The following TSPAN11 variants were observed in gnomAD, a reference collection of about 807,000 sequenced individuals.
TSPAN11 encodes tetraspanin 11.
TSPAN11 carries 29 observed loss-of-function variants against 32.9 expected under a neutral mutation model. The ratio of observed to expected loss-of-function variants is 0.88; its 90% CI spans 0.66 to 1.20. The LOEUF is 1.20. Among genes scored for constraint, TSPAN11 ranks in the 50% most tolerant of loss-of-function variants. TSPAN11 has a pLI of 0.00. For synonymous variants in TSPAN11, 140 were observed against 141.3 expected (o/e 0.99, Z 0.07); for missense variants, 283 against 329.1 (o/e 0.86, Z 1.08).
the TSPAN11 span, among the ~76,000 whole-genome samples, chr12:31,009,245 C>T: frequency 2.0e-5 from 3 of 152,190 alleles, no homozygotes; most frequent in Non-Finnish European, 4.4e-5. Context: ...GTTCTCAATC[C>T]AATCCAGGGC....
At chr12:31,002,109 T>C in the TSPAN11 span, among the ~76,000 whole-genome samples, 1 of 152,110 alleles carries the variant, frequency 6.6e-6, no homozygotes, top group Non-Finnish European at 1.5e-5. This position sits in a 1 kb window ranked among gnomAD's most constrained non-coding sequence, Gnocchi z 4.8. Flanking sequence ...TCTGTCTCGG[T>C]AAATCTCCTG....
intron 1 of TSPAN11, 53 bp downstream of exon 1, chr12:30,926,849 G>T (rs1187424048): frequency 1.0e-6 from 1 of 989,186 alleles, no homozygotes; most frequent in East Asian, 7.9e-5. Flanking sequence ...GGGGGCTGGG[G>T]GTCCAGGAGA....
chr12:30,960,803 C>T (rs1938597171), intron 2 of TSPAN11, among the ~76,000 whole-genome samples: 1 of 151,848 alleles, frequency 6.6e-6, no homozygotes, highest in Non-Finnish European at 1.5e-5. Flanking sequence ...CTTTGGGAGG[C>T]CGAGGCAGGT....
chr12:30,979,442 G>A (rs1939042085), intron 4 of TSPAN11, 124 bp from the exon 5 acceptor site: 6 of 848,656 alleles, frequency 7.1e-6, no homozygotes, highest in Non-Finnish European at 1.2e-5. Flanking sequence ...AGAAACCTCC[G>A]CATCACACCA....
chr12:30,962,581 A>G (rs1938635006), intron 2 of TSPAN11, among the ~76,000 whole-genome samples: 1 of 152,208 alleles, frequency 6.6e-6, no homozygotes, highest in Admixed American at 6.5e-5. Context: ...TGCCCAGAAC[A>G]GAGAACTGGG....
intron 3 of TSPAN11, among the ~76,000 whole-genome samples, chr12:30,973,044 A>G (rs914741155): frequency 1.3e-5 from 2 of 152,102 alleles, no homozygotes; most frequent in African/African-American, 4.8e-5. Flanking sequence ...TACCTGCCCT[A>G]AAATGCTGAA....
the TSPAN11 span, among the ~76,000 whole-genome samples, chr12:31,011,948 G>A: frequency 6.6e-6 from 1 of 152,228 alleles, no homozygotes; most frequent in African/African-American, 2.4e-5. Flanking sequence ...CAGCTGCTGG[G>A]GAGATTCAAG....
chr12:30,964,704 A>G (rs988134781), intron 3 of TSPAN11, among the ~76,000 whole-genome samples: 3 of 152,218 alleles, frequency 2.0e-5, no homozygotes, highest in Admixed American at 6.5e-5. Context: ...CTTCTAGAAA[A>G]CATGATAACA....
At chr12:31,004,255 C>T in the TSPAN11 span, among the ~76,000 whole-genome samples, 1 of 152,178 alleles carries the variant, frequency 6.6e-6, no homozygotes, top group Non-Finnish European at 1.5e-5. Flanking sequence ...CCATTGAATA[C>T]CTGACCCTGC....
chr12:30,990,882 C>T (rs1007399213), intron 7 of TSPAN11, among the ~76,000 whole-genome samples: 40 of 152,218 alleles, frequency 2.6e-4, no homozygotes, highest in African/African-American at 9.6e-4. Flanking sequence ...CCAGTGCCCC[C>T]TCCTGTGTGC....
chr12:30,964,528 C>T (rs142849070), intron 3 of TSPAN11, among the ~76,000 whole-genome samples: 2 of 152,112 alleles, frequency 1.3e-5, no homozygotes, highest in Non-Finnish European at 2.9e-5. Context: ...CTCCATCTTC[C>T]CTTCACCCAG....
the TSPAN11 span, among the ~76,000 whole-genome samples, chr12:31,004,733 G>A: frequency 0.013 from 1,918 of 152,342 alleles, 27 homozygotes; most frequent in Middle Eastern, 0.027. Flanking sequence ...GCATGTGGTG[G>A]AAGGGGCGGC....
chr12:31,001,910 G>C, the TSPAN11 span, among the ~76,000 whole-genome samples: 1 of 152,154 alleles, frequency 6.6e-6, no homozygotes, highest in East Asian at 1.9e-4. Flanking sequence ...TAAGAGAGAG[G>C]CCGATGTTTT....
intron 3 of TSPAN11, among the ~76,000 whole-genome samples, chr12:30,970,231 G>T (rs574409409): frequency 1.3e-5 from 2 of 152,320 alleles, no homozygotes; most frequent in East Asian, 1.9e-4. Flanking sequence ...CCTGTTGGGG[G>T]TCTGGCCCTC....
intron 1 of TSPAN11, among the ~76,000 whole-genome samples, chr12:30,949,604 C>A (rs759328852): frequency 2.0e-5 from 3 of 152,124 alleles, no homozygotes; most frequent in Non-Finnish European, 4.4e-5. Context: ...CCCCCTGGGT[C>A]CCTCCCACAG....
At chr12:30,974,765 G>T (rs919647530) in intron 3 of TSPAN11, among the ~76,000 whole-genome samples, 5 of 152,248 alleles carry the variant, frequency 3.3e-5, no homozygotes, top group African/African-American at 1.2e-4. Context: ...GGAGCAATGG[G>T]TAAAGTTGTG....
At chr12:31,014,376 A>C in the TSPAN11 span, among the ~76,000 whole-genome samples, 4 of 152,216 alleles carry the variant, frequency 2.6e-5, no homozygotes, top group African/African-American at 9.7e-5. Flanking sequence ...ACACCTTCTC[A>C]ATAACTCTTC....
Position 30,991,956 on chromosome 12 carries a change from A to T in TSPAN11, c.*41A>T. 3 of 1,608,364 alleles carry T rather than the reference A, an allele frequency of 1.9e-6. No individual in the cohort carries two copies. The highest frequency in any genetic ancestry group is 1.7e-6 in the Non-Finnish European group (2 of 1,174,884). On this transcript the variant is annotated 3_prime_UTR_variant, in exon 8 of 8. Coordinates refer to ENST00000546076, the MANE Select transcript of TSPAN11 (RefSeq NM_001370302.1). ...TCTTCCAACTGCCCCTCAAGACAAC[A>T]TGTGGCCACATGCCATCTGCAAGGC...
At chr12:30,964,047 TGGG>T in intron 3 of TSPAN11, 30 bp downstream of exon 3, 17 of 1,602,040 alleles carry the variant, frequency 1.1e-5, no homozygotes, top group Non-Finnish European at 1.4e-5. Context: ...TCTGCAGGGA[TGGG>T]GAGCCCTGCA....
Sources: allele counts gnomAD v4.1 joint callset (sites outside exome capture counted in the v4.1 genomes callset), GRCh38; gene constraint gnomAD v4.1.1; non-coding constraint Gnocchi (gnomAD v3.1); transcripts MANE v1.5; gene names NCBI Gene and HGNC (gene_info 2026-07-23, HGNC 2026-07-21).